GHR: variants seen among roughly 807,000 people sequenced by gnomAD.
The protein encoded by GHR is growth hormone receptor.
In GHR, 35 loss-of-function variants were observed where a neutral mutation model predicts 67.1. The observed-to-expected ratio is 0.52, with a 90% CI of 0.40 to 0.69. The LOEUF (loss-of-function observed/expected upper bound fraction) is 0.69, where lower values mean the gene tolerates loss of function less well. Among genes scored for constraint, GHR ranks in the 30% least tolerant of loss-of-function variants. GHR has a pLI of 0.00. For synonymous variants in GHR, 272 were observed against 269.1 expected (o/e 1.01, Z -0.10); for missense variants, 792 against 764.6 (o/e 1.04, Z -0.42).
At chr5:42,548,232 TGA>T (rs1748828163) in intron 1 of GHR, 14 of 984,008 alleles carry the variant, frequency 1.4e-5, no homozygotes, top group South Asian at 4.7e-5. Context: ...TGTGTGTGCA[TGA>T]GAGAGAGAGA....
At chr5:42,439,581 G>A (rs1743477131) in intron 1 of GHR, among the ~76,000 whole-genome samples, 1 of 152,196 alleles carries the variant, frequency 6.6e-6, no homozygotes, top group African/African-American at 2.4e-5. Context: ...ATATAGTACT[G>A]TAAATTTATC....
chr5:42,565,502 A>T (rs1749872806), intron 1 of GHR: 1 of 985,178 alleles, frequency 1.0e-6, no homozygotes, highest in Non-Finnish European at 1.2e-6. Flanking sequence ...TACTGCTGAT[A>T]AGGTTTTCTA....
intron 2 of GHR, among the ~76,000 whole-genome samples, chr5:42,595,528 C>T (rs1035162553): frequency 9.9e-5 from 15 of 152,206 alleles, no homozygotes; most frequent in African/African-American, 3.4e-4. Flanking sequence ...TCTCAGGTCT[C>T]ACTTTTCCTT....
intron 6 of GHR, among the ~76,000 whole-genome samples, chr5:42,704,904 T>C (rs1758102585): frequency 6.6e-6 from 1 of 152,006 alleles, no homozygotes; most frequent in Non-Finnish European, 1.5e-5. Flanking sequence ...GGCTTTCTCT[T>C]TTTTTATTAT....
rs572541858 is a variant in GHR, at chr5:42,628,286, C to G, written c.71-752C>G. Among the ~76,000 whole-genome samples the G allele has an allele frequency of 1.1e-4, 16 of 151,274 alleles. No homozygotes were observed. The East Asian group carries it at 3.1e-3, about 29-fold the overall frequency. On this transcript the variant is annotated intron_variant, in intron 2 of 9. Transcript: ENST00000230882. ...ACATGAAAACGGAAATGCCTGTTCC[C>G]ATTTAGGGCTGCAGGTCTTCAGGCT...
intron 3 of GHR, among the ~76,000 whole-genome samples, chr5:42,645,155 G>T (rs551282754): frequency 6.6e-6 from 1 of 152,292 alleles, no homozygotes; most frequent in South Asian, 2.1e-4. Context: ...GGTCATAAAG[G>T]GTTGATAATG....
At chr5:42,611,937 T>C (rs1345200858) in intron 2 of GHR, among the ~76,000 whole-genome samples, 2 of 152,168 alleles carry the variant, frequency 1.3e-5, no homozygotes, top group Admixed American at 6.6e-5. Context: ...TCATACTATA[T>C]ACTAAATGTG....
chr5:42,642,360 A>G (rs538365757), intron 3 of GHR, among the ~76,000 whole-genome samples: 9 of 152,036 alleles, frequency 5.9e-5, no homozygotes, highest in African/African-American at 2.2e-4. Flanking sequence ...ACCTATAACT[A>G]ATAACCAGTT....
intron 2 of GHR, among the ~76,000 whole-genome samples, chr5:42,589,020 C>A (rs1487028350): frequency 6.6e-6 from 1 of 152,154 alleles, no homozygotes; most frequent in Non-Finnish European, 1.5e-5. Context: ...TTTCAATAAT[C>A]CTTTCATGAA....
intron 2 of GHR, among the ~76,000 whole-genome samples, chr5:42,617,228 A>G (rs2112696982): frequency 6.6e-6 from 1 of 150,962 alleles, no homozygotes; most frequent in East Asian, 1.9e-4. Context: ...CTTTTTGTAC[A>G]TGCTCATTCC....
At chr5:42,610,845 T>C (rs1384906331) in intron 2 of GHR, among the ~76,000 whole-genome samples, 1 of 152,106 alleles carries the variant, frequency 6.6e-6, no homozygotes, top group Non-Finnish European at 1.5e-5. Context: ...TCATCATCCC[T>C]CTAGGAATGG....
chr5:42,495,942 A>C (rs1392290448), intron 1 of GHR, among the ~76,000 whole-genome samples: 1 of 152,072 alleles, frequency 6.6e-6, no homozygotes, highest in East Asian at 1.9e-4. Context: ...TTTGACAGCT[A>C]CTCTGTCCAC....
chr5:42,682,090 TA>T (rs1298800935), intron 3 of GHR, among the ~76,000 whole-genome samples: 1 of 152,072 alleles, frequency 6.6e-6, no homozygotes, highest in African/African-American at 2.4e-5. Flanking sequence ...TATGCAGCCA[TA>T]AAAAAGGATG....
intron 4 of GHR, among the ~76,000 whole-genome samples, chr5:42,694,029 C>G (rs548202331): frequency 7.0e-4 from 106 of 152,144 alleles, no homozygotes; most frequent in Non-Finnish European, 1.2e-3. Flanking sequence ...TCTGTTTATT[C>G]CCTTCCTTGC....
chr5:42,492,045 G>A (rs1044639301), intron 1 of GHR, among the ~76,000 whole-genome samples: 1 of 152,138 alleles, frequency 6.6e-6, no homozygotes, highest in Admixed American at 6.6e-5. Flanking sequence ...CTCTCCTCTT[G>A]CCCACATCAT....
At chr5:42,576,998 T>A (rs1304213371) in intron 2 of GHR, among the ~76,000 whole-genome samples, 1 of 152,198 alleles carries the variant, frequency 6.6e-6, no homozygotes, top group Non-Finnish European at 1.5e-5. Flanking sequence ...TACCTTCTCA[T>A]CAAGAGAGGA....
Position 42,554,415 on chromosome 5 carries a change from G to C in GHR, c.-11-11449G>C, listed in dbSNP as rs4464707. Among the ~76,000 whole-genome samples the C allele has an allele frequency of 2.1e-3, 319 of 152,172 alleles. 1 individual carries two copies. Among genetic ancestry groups the C allele is most frequent in the Non-Finnish European group, 3.3e-3 (226 of 68,000 alleles). ...AGTAATTATGTACAAAGTGAGTGTT[G>C]AGACGATCTGGAACACCCTACTTCT... On this transcript the variant is annotated intron_variant, in intron 1 of 9. Transcript: ENST00000230882.
At chr5:42,576,466 A>G (rs1256953272) in intron 2 of GHR, among the ~76,000 whole-genome samples, 2 of 152,238 alleles carry the variant, frequency 1.3e-5, no homozygotes, top group Non-Finnish European at 2.9e-5. Flanking sequence ...AATTACCAAT[A>G]GGCTAATTGT....
chr5:42,674,085 G>A (rs1055530558), intron 3 of GHR, among the ~76,000 whole-genome samples: 1 of 152,128 alleles, frequency 6.6e-6, no homozygotes, highest in Non-Finnish European at 1.5e-5. Context: ...TCTCATTAAA[G>A]AGAACCTGAC....
Sources: allele counts gnomAD v4.1 joint callset (sites outside exome capture counted in the v4.1 genomes callset), GRCh38; gene constraint gnomAD v4.1.1; transcripts MANE v1.5; gene names NCBI Gene and HGNC (gene_info 2026-07-23, HGNC 2026-07-21).